The following PCNX2 variants were observed in gnomAD, a reference collection of about 807,000 sequenced individuals.
The protein encoded by PCNX2 is pecanex-like protein 2.
In PCNX2, 168 loss-of-function variants were observed where a neutral mutation model predicts 223.8. That is an observed-to-expected ratio of 0.75 (90% CI 0.66 to 0.85). The LOEUF (loss-of-function observed/expected upper bound fraction) is 0.85, where lower values mean the gene tolerates loss of function less well. PCNX2 is among the 40% of genes least tolerant of loss of function. PCNX2 has a pLI of 0.00. For missense variants in PCNX2, 2,507 were observed against 2,675.5 expected, an observed-to-expected ratio of 0.94 and a Z score of 1.39; for synonymous variants, 1,006 against 1,052.6, an observed-to-expected ratio of 0.96 and a Z score of 0.86.
chr1:233,189,350 C>T (rs1039750864), intron 15 of PCNX2, among the ~76,000 whole-genome samples: 7 of 152,136 alleles, frequency 4.6e-5, no homozygotes, highest in African/African-American at 1.7e-4. Context: ...GTCTTATATG[C>T]TGTGAACTGT....
chr1:233,095,833 C>A lies in PCNX2; in HGVS notation c.3868G>T (p.Val1290Phe), dbSNP rs369665773. ...LGDLLHKLQF[V>F]LTYVAPWQMA... ...TGCCAAGGAGCCACATATGTCAGGACGAACTGTAACTTGTGAAGCAGGTCC... is the reference window on the plus strand; with the variant it reads ...TGCCAAGGAGCCACATATGTCAGGAAGAACTGTAACTTGTGAAGCAGGTCC... The change falls in exon 22 of 34, where the codon GTC becomes TTC. Residue 1290 changes from valine to phenylalanine, a missense_variant. Val to Phe is a conservative substitution (Grantham distance 50). Transcript: ENST00000258229. The A allele has an allele frequency of 1.9e-6, 3 of 1,611,746 alleles. No individual in the cohort carries two copies. Among genetic ancestry groups the A allele is most frequent in the Non-Finnish European group, 2.5e-6 (3 of 1,179,032 alleles).
chr1:233,017,777 A>T (rs1386476749), intron 26 of PCNX2, among the ~76,000 whole-genome samples: 3 of 152,228 alleles, frequency 2.0e-5, no homozygotes, highest in African/African-American at 4.8e-5. Flanking sequence ...AGGGAAGAGG[A>T]AAGTGAGAAG....
intron 26 of PCNX2, among the ~76,000 whole-genome samples, chr1:233,019,441 G>A (rs1670797926): frequency 6.6e-6 from 1 of 152,196 alleles, no homozygotes; most frequent in Admixed American, 6.5e-5. Context: ...GATGGAGAAA[G>A]AGGTCAAGGA....
intron 8 of PCNX2, among the ~76,000 whole-genome samples, chr1:233,239,603 C>T (rs1411661489): frequency 6.6e-6 from 1 of 152,138 alleles, no homozygotes; most frequent in Admixed American, 6.5e-5. Flanking sequence ...TACCTTAAAT[C>T]CTCCCTATTA....
chr1:233,210,853 A>G (rs530604348), intron 12 of PCNX2, among the ~76,000 whole-genome samples: 26 of 152,258 alleles, frequency 1.7e-4, no homozygotes, highest in Non-Finnish European at 2.9e-4. Flanking sequence ...TTGCAAGGCT[A>G]TTGCACAAAA....
chr1:233,235,838 G>A, intron 9 of PCNX2, among the ~76,000 whole-genome samples: 1 of 151,538 alleles, frequency 6.6e-6, no homozygotes, highest in Non-Finnish European at 1.5e-5. Flanking sequence ...CTGACCTCAG[G>A]TGATCCATCC....
At chr1:233,196,041 T>C (rs1173166361) in intron 15 of PCNX2, among the ~76,000 whole-genome samples, 1 of 152,120 alleles carries the variant, frequency 6.6e-6, no homozygotes, top group Non-Finnish European at 1.5e-5. Context: ...GCTGCAGTAA[T>C]AAAAACAATG....
chr1:233,247,661 G>C (rs954597722), intron 8 of PCNX2, among the ~76,000 whole-genome samples: 8 of 151,914 alleles, frequency 5.3e-5, no homozygotes, highest in African/African-American at 1.9e-4. Context: ...GGCGGATCAC[G>C]AGGTCAGGAG....
the PCNX2 span, among the ~76,000 whole-genome samples, chr1:233,306,030 T>A: frequency 2.6e-5 from 4 of 152,174 alleles, no homozygotes; most frequent in Non-Finnish European, 5.9e-5. Context: ...TTCAAGGATA[T>A]AAACAGGTGG....
rs781072655 is a variant in PCNX2, at chr1:233,016,905, C to T, written c.4839+16G>A. Reference sequence around the variant, plus strand: ...AACTTACATTCCATGCCTCAGCCCCCACCTCCCTGACCTACCTCTTGTCTT... The same window carrying T: ...AACTTACATTCCATGCCTCAGCCCCTACCTCCCTGACCTACCTCTTGTCTT... On this transcript the variant is annotated intron_variant, in intron 27 of 33. Coordinates refer to ENST00000258229, the MANE Select transcript of PCNX2 (RefSeq NM_014801.4). The T allele has an allele frequency of 7.2e-5, 115 of 1,590,368 alleles. No individual in the cohort carries two copies. Among genetic ancestry groups the T allele is most frequent in the Admixed American group, 3.5e-4 (21 of 59,682 alleles).
At position 233,220,534 on chromosome 1, in the gene PCNX2, T is replaced by A. The variant is rs565173751; in HGVS notation, c.2505-2350A>T. ...CTTTAATTTGCAGTTCCCTAAGGAC[T>A]ATTGATGTTGAATGTCTTTTCATAT... On this transcript the variant is annotated intron_variant, in intron 10 of 33. Transcript: ENST00000258229. 2.0e-5 allele frequency among the ~76,000 whole-genome samples: 3 copies of A among 152,306 alleles called. No homozygotes were observed. In the South Asian group the frequency reaches 6.2e-4, roughly 32 times the overall value.
At chr1:233,257,321 G>A (rs1659788009) in intron 5 of PCNX2, among the ~76,000 whole-genome samples, 1 of 151,874 alleles carries the variant, frequency 6.6e-6, no homozygotes, top group Non-Finnish European at 1.5e-5. Flanking sequence ...GAAGGATGAT[G>A]GTATATCCAT....
chr1:232,992,205 A>G (rs989481835), intron 32 of PCNX2, among the ~76,000 whole-genome samples: 3 of 152,172 alleles, frequency 2.0e-5, no homozygotes, highest in African/African-American at 7.2e-5. Context: ...CCTAGGCTGC[A>G]GTGCCTTCTT....
intron 15 of PCNX2, among the ~76,000 whole-genome samples, chr1:233,193,510 A>C (rs941723606): frequency 6.6e-6 from 1 of 152,178 alleles, no homozygotes; most frequent in Non-Finnish European, 1.5e-5. Context: ...AAAATTCAAC[A>C]AAGAAATTTT....
intron 1 of PCNX2, among the ~76,000 whole-genome samples, chr1:233,292,274 T>A (rs1300013027): frequency 6.7e-6 from 1 of 150,230 alleles, no homozygotes; most frequent in African/African-American, 2.5e-5. Context: ...TGGCGTGATC[T>A]TGGCTCACTG....
intron 21 of PCNX2, among the ~76,000 whole-genome samples, chr1:233,107,210 CACAA>C (rs1393367747): frequency 1.3e-5 from 2 of 151,720 alleles, no homozygotes; most frequent in Non-Finnish European, 1.5e-5. Context: ...CACACACACA[CACAA>C]AACCATGCAC....
intron 13 of PCNX2, 119 bp from the exon 14 acceptor site, chr1:233,200,383 CT>C (rs1011802481): frequency 0.12 from 25,452 of 209,494 alleles, 9 homozygotes; most frequent in South Asian, 0.18. Flanking sequence ...TGGAGGCAAT[CT>C]TTTTTTTTTT....
chr1:233,128,446 T>C (rs1179324386), intron 21 of PCNX2, among the ~76,000 whole-genome samples: 1 of 151,986 alleles, frequency 6.6e-6, no homozygotes, highest in Non-Finnish European at 1.5e-5. Context: ...GCAATTCTCC[T>C]GCCTCAGCCT....
intron 19 of PCNX2, among the ~76,000 whole-genome samples, chr1:233,150,989 T>G (rs578044060): frequency 6.6e-6 from 1 of 152,122 alleles, no homozygotes; most frequent in Non-Finnish European, 1.5e-5. Flanking sequence ...AGGAGAGAAT[T>G]CCAAATGCTC....
Sources: gnomAD v4.1 joint callset for allele counts (sites outside exome capture counted in the v4.1 genomes callset) on GRCh38, gnomAD v4.1.1 for gene constraint, MANE v1.5 for transcripts, NCBI Gene and HGNC (gene_info 2026-07-23, HGNC 2026-07-21) for gene names.